Variants in MANEA observed in about 807,000 individuals in gnomAD.
MANEA encodes the protein glycoprotein endo-alpha-1,2-mannosidase.
MANEA carries 25 observed loss-of-function variants against 36.8 expected under a neutral mutation model. That is an observed-to-expected ratio of 0.68 (90% confidence interval 0.50 to 0.95). MANEA has a LOEUF of 0.95. MANEA is among the 40% of genes least tolerant of loss of function. The pLI, the probability that MANEA is intolerant of heterozygous loss-of-function variation, is 0.00. For synonymous variants in MANEA, 198 were observed against 188.5 expected, an observed-to-expected ratio of 1.05 and a Z score of -0.41; for missense variants, 565 against 558.8, an observed-to-expected ratio of 1.01 and a Z score of -0.11.
chr6:95,593,338 G>C (rs1769420772), intron 2 of MANEA, among the ~76,000 whole-genome samples: 1 of 152,176 alleles, frequency 6.6e-6, no homozygotes, highest in Admixed American at 6.5e-5. Flanking sequence ...AGTCATAATT[G>C]ATGCAATAAA....
chr6:95,581,570 A>G (rs898257047), intron 1 of MANEA, among the ~76,000 whole-genome samples: 2 of 152,210 alleles, frequency 1.3e-5, no homozygotes, highest in African/African-American at 4.8e-5. Context: ...TACTGTTTCA[A>G]ATTGTCTTGC....
At chr6:95,595,497 C>T (rs1367577588) in intron 2 of MANEA, among the ~76,000 whole-genome samples, 20 of 152,048 alleles carry the variant, frequency 1.3e-4, no homozygotes. Context: ...ATTTTGTTGT[C>T]CTAGATGGGA....
intron 2 of MANEA, among the ~76,000 whole-genome samples, chr6:95,591,490 G>C (rs926943243): frequency 4.6e-5 from 7 of 151,708 alleles, no homozygotes; most frequent in African/African-American, 1.7e-4. Context: ...TTTCTTGGAT[G>C]GATATGTTTT....
At chr6:95,602,275 C>G (rs1420013563) in intron 3 of MANEA, among the ~76,000 whole-genome samples, 3 of 152,222 alleles carry the variant, frequency 2.0e-5, no homozygotes, top group Non-Finnish European at 4.4e-5. Flanking sequence ...AGTATTATCT[C>G]TTTCCCTAAA....
intron 1 of MANEA, among the ~76,000 whole-genome samples, chr6:95,585,151 TAC>T (rs764180522): frequency 7.7e-6 from 1 of 130,430 alleles, no homozygotes. Flanking sequence ...TATATATATA[TAC>T]ACACACAACA....
chr6:95,578,089 C>T (rs1769105390), intron 1 of MANEA, among the ~76,000 whole-genome samples: 1 of 152,124 alleles, frequency 6.6e-6, no homozygotes, highest in Non-Finnish European at 1.5e-5. Flanking sequence ...AGGATCGAGG[C>T]CTGCTGGGCT....
In MANEA at chr6:95,604,842, G is replaced by C. The variant is rs1396130501; in HGVS notation, c.670G>C (p.Glu224Gln). The change falls in exon 4 of 5, where the codon GAA becomes CAA. Residue 224 changes from glutamate (E) to glutamine (Q), a missense_variant. By Grantham distance (29) the Glu-to-Gln change is conservative. Transcript: ENST00000358812. ...TTTGTTTTAGGTTACTTTTCACATA[G>C]AACCATATAGCAATCGAGATGATCA... ...KYNLKVTFHIEPYSNRDDQNM... is the reference protein window; with the variant it reads ...KYNLKVTFHIQPYSNRDDQNM... 6.8e-7 allele frequency: 1 copy of C among 1,465,642 alleles called. No homozygotes were observed. 90.8% of individuals were successfully genotyped at this position (1,465,642 alleles called of 1,614,324 possible).
At chr6:95,598,545 T>C (rs1229617915) in intron 3 of MANEA, among the ~76,000 whole-genome samples, 1 of 152,186 alleles carries the variant, frequency 6.6e-6, no homozygotes, top group Non-Finnish European at 1.5e-5. Context: ...ATATAGGGGC[T>C]ACAGGGTTGT....
chr6:95,599,385 C>G (rs1353992684), intron 3 of MANEA, among the ~76,000 whole-genome samples: 2 of 150,442 alleles, frequency 1.3e-5, no homozygotes, highest in African/African-American at 2.5e-5. Context: ...CCACTGCACT[C>G]CAGCCTGGGC....
intron 3 of MANEA, among the ~76,000 whole-genome samples, chr6:95,602,649 A>G (rs1447917654): frequency 6.6e-6 from 1 of 152,212 alleles, no homozygotes; most frequent in Non-Finnish European, 1.5e-5. Flanking sequence ...TTATTTTAAA[A>G]TTTATTTTAA....
In MANEA at chr6:95,586,454, G is replaced by A. The variant is rs117960842; in HGVS notation, c.15G>A (p.Arg5=). The A allele has an allele frequency of 0.021, 33,920 of 1,606,136 alleles. 425 individuals are homozygous for A. The highest frequency in any genetic ancestry group is 0.024 in the Non-Finnish European group (27,983 of 1,175,352). MAKF[R]RRTCIILALF... is the part of the protein sequence containing the mutation. ...AGTATGTCATCATGGCAAAGTTTCG[G>A]AGAAGGACTTGCATCATTTTGGCAC... The change falls in exon 2 of 5, where the codon CGG becomes CGA. Residue 5 remains arginine (R), a synonymous_variant. Coordinates refer to ENST00000358812, the MANE Select transcript of MANEA (RefSeq NM_024641.4).
chr6:95,601,561 C>T (rs75776565), intron 3 of MANEA, among the ~76,000 whole-genome samples: 276 of 152,102 alleles, frequency 1.8e-3, no homozygotes, highest in Non-Finnish European at 3.5e-3. Flanking sequence ...GGAGCAGAAC[C>T]ATCATAAGCC....
intron 3 of MANEA, among the ~76,000 whole-genome samples, chr6:95,601,306 A>C (rs1475390722): frequency 6.6e-6 from 1 of 152,192 alleles, no homozygotes; most frequent in Non-Finnish European, 1.5e-5. Flanking sequence ...TATTTGGTAG[A>C]TTCCGTCATT....
intron 3 of MANEA, among the ~76,000 whole-genome samples, chr6:95,601,335 T>G (rs961268332): frequency 7.2e-5 from 11 of 152,208 alleles, no homozygotes; most frequent in Admixed American, 5.9e-4. Flanking sequence ...AATAATCTGG[T>G]TTTCCTTCCC....
At chr6:95,578,394 AG>A (rs1769114624) in intron 1 of MANEA, among the ~76,000 whole-genome samples, 1 of 152,132 alleles carries the variant, frequency 6.6e-6, no homozygotes, top group African/African-American at 2.4e-5. Flanking sequence ...AACAACAACA[AG>A]GGGGGGATAA....
At chr6:95,591,653 T>A (rs1287263479) in intron 2 of MANEA, among the ~76,000 whole-genome samples, 1 of 152,168 alleles carries the variant, frequency 6.6e-6, no homozygotes, top group Non-Finnish European at 1.5e-5. Flanking sequence ...GAATTTTTAA[T>A]CTGTTGCTTT....
chr6:95,588,683 GGTT>G (rs1329616180), intron 2 of MANEA, among the ~76,000 whole-genome samples: 6 of 151,786 alleles, frequency 4.0e-5, no homozygotes, highest in Non-Finnish European at 7.4e-5. Flanking sequence ...CAGAGGAAAT[GGTT>G]GTTCTTTAAA....
Position 95,605,980 on chromosome 6 carries a change from A to T in MANEA, c.964A>T (p.Thr322Ser). ...TCAAAGTGGTTTTGATGGAATTTACACATATTTTGCCACAAATGGCTTTAC... is the reference window on the plus strand; with the variant it reads ...TCAAAGTGGTTTTGATGGAATTTACTCATATTTTGCCACAAATGGCTTTAC... The part of the protein sequence containing the change: ...ILQSGFDGIY[T>S]YFATNGFTYG... Residue 322 changes from threonine (T) to serine (S), a missense_variant, in exon 5 of 5, where the codon ACA becomes TCA. By Grantham distance (58) the Thr-to-Ser change is moderately conservative (BLOSUM62 1). Transcript: ENST00000358812. 6.2e-7 allele frequency: 1 copy of T among 1,614,034 alleles called. No individual in the cohort carries two copies. Among genetic ancestry groups the T allele is most frequent in the Non-Finnish European group, 8.5e-7 (1 of 1,179,974 alleles).
chr6:95,593,882 C>T (rs1228926494), intron 2 of MANEA, among the ~76,000 whole-genome samples: 2 of 151,914 alleles, frequency 1.3e-5, no homozygotes, highest in Non-Finnish European at 2.9e-5. Flanking sequence ...CCCATCTCTA[C>T]TAAAAATACA....
Sources: allele counts gnomAD v4.1 joint callset (sites outside exome capture counted in the v4.1 genomes callset), GRCh38; gene constraint gnomAD v4.1.1; transcripts MANE v1.5; gene names NCBI Gene and HGNC (gene_info 2026-07-23, HGNC 2026-07-21).